The following CACNA1C variants were observed in gnomAD, a reference collection of about 807,000 sequenced individuals.
The protein encoded by CACNA1C is calcium voltage-gated channel subunit alpha1 C.
CACNA1C carries 30 observed loss-of-function variants against 229.0 expected under a neutral mutation model. That is an observed-to-expected ratio of 0.13 (90% CI 0.10 to 0.18). The LOEUF (loss-of-function observed/expected upper bound fraction) is 0.18, where lower values mean the gene tolerates loss of function less well. Ranked by LOEUF, CACNA1C falls within the 10% of genes least tolerant of loss-of-function variation. The pLI is 1.00. For synonymous variants in CACNA1C, 1,114 were observed against 1,132.5 expected (o/e 0.98, Z 0.33); for missense variants, 1,658 against 2,845.0 (o/e 0.58, Z 9.49).
At chr12:2,624,235 C>G (rs1046568450) in intron 29 of CACNA1C, among the ~76,000 whole-genome samples, 3 of 152,150 alleles carry the variant, frequency 2.0e-5, no homozygotes, top group African/African-American at 7.2e-5. Flanking sequence ...CACCATGATT[C>G]GGGGAGGTAA....
intron 3 of CACNA1C, among the ~76,000 whole-genome samples, chr12:2,296,841 C>T (rs964881061): frequency 6.6e-6 from 1 of 152,242 alleles, no homozygotes; most frequent in Non-Finnish European, 1.5e-5. Context: ...TTTCACCATT[C>T]TAGCTTTACT....
chr12:2,119,749 C>CCGTA (rs2085667768), intron 2 of CACNA1C, among the ~76,000 whole-genome samples: 1 of 152,224 alleles, frequency 6.6e-6, no homozygotes, highest in African/African-American at 2.4e-5. Context: ...GGACCCCCTG[C>CCGTA]CGTACTCTTG....
chr12:2,344,982 C>T (rs1424430688), intron 3 of CACNA1C, among the ~76,000 whole-genome samples: 1 of 150,528 alleles, frequency 6.6e-6, no homozygotes, highest in African/African-American at 2.5e-5. Context: ...GAAGTGTGGA[C>T]GTTGATTCCA....
chr12:2,530,386 G>T (rs1243732740), intron 9 of CACNA1C, among the ~76,000 whole-genome samples: 1 of 152,214 alleles, frequency 6.6e-6, no homozygotes, highest in African/African-American at 2.4e-5. Context: ...CCCAATAGAA[G>T]CTGAGGCCCC....
At chr12:2,468,298 C>T (rs868500284) in intron 5 of CACNA1C, among the ~76,000 whole-genome samples, 13 of 152,204 alleles carry the variant, frequency 8.5e-5, no homozygotes, top group Non-Finnish European at 1.5e-4. Flanking sequence ...CCTCCAGTCA[C>T]GAACTGGTCT....
At chr12:2,447,561 T>TC (rs1216308661) in intron 3 of CACNA1C, among the ~76,000 whole-genome samples, 2 of 142,220 alleles carry the variant, frequency 1.4e-5, no homozygotes, top group East Asian at 4.0e-4. Context: ...TAATTTTGCA[T>TC]CCTCAAACTG....
chr12:2,496,163 C>T (rs916630581), intron 7 of CACNA1C, among the ~76,000 whole-genome samples: 3 of 152,218 alleles, frequency 2.0e-5, no homozygotes, highest in African/African-American at 7.2e-5. Context: ...TTTGAAAAAG[C>T]TCTCCAGGTG....
At position 2,164,551 on chromosome 12, in the gene CACNA1C, A is replaced by G. The variant is rs1338583681; in HGVS notation, c.477+44121A>G. The stretch of plus-strand genomic sequence containing the variant: ...TGTCTCTCTCTGCTCCCCATATTGC[A>G]GCCTGGTAAGCTGTTGTGGCTTATC... On this transcript the variant is annotated intron_variant, in intron 3 of 46. Transcript: ENST00000399655. Among the ~76,000 whole-genome samples the G allele has an allele frequency of 3.9e-5, 6 of 152,348 alleles. No homozygotes were observed. The East Asian group carries it at 9.6e-4, about 24-fold the overall frequency.
chr12:2,425,884 A>C (rs942746113), intron 3 of CACNA1C, among the ~76,000 whole-genome samples: 5 of 152,376 alleles, frequency 3.3e-5, no homozygotes, highest in Non-Finnish European at 4.4e-5. Context: ...GAAAGCCCCA[A>C]GAGACTTGGG....
intron 3 of CACNA1C, among the ~76,000 whole-genome samples, chr12:2,249,592 C>A (rs147312566): frequency 6.6e-6 from 1 of 152,266 alleles, no homozygotes; most frequent in Non-Finnish European, 1.5e-5. Context: ...GTTCGTCACC[C>A]CCAACCCTCA....
chr12:2,247,325 G>A (rs968687057), intron 3 of CACNA1C, among the ~76,000 whole-genome samples: 6 of 152,186 alleles, frequency 3.9e-5, no homozygotes, highest in Non-Finnish European at 5.9e-5. Context: ...TGTCAATGCC[G>A]CAGGGTCTGT....
chr12:2,259,241 C>T (rs1178188579), intron 3 of CACNA1C, among the ~76,000 whole-genome samples: 2 of 152,194 alleles, frequency 1.3e-5, no homozygotes, highest in Non-Finnish European at 2.9e-5. Flanking sequence ...CCCCGCCCTG[C>T]CCCACACGGG....
At chr12:2,560,467 G>A (rs1283643584) in intron 11 of CACNA1C, among the ~76,000 whole-genome samples, 5 of 152,156 alleles carry the variant, frequency 3.3e-5, no homozygotes, top group African/African-American at 9.7e-5. Flanking sequence ...GGTAATCCAG[G>A]TTTTCACTTA....
chr12:2,551,034 T>C, intron 10 of CACNA1C, among the ~76,000 whole-genome samples: 1 of 152,220 alleles, frequency 6.6e-6, no homozygotes, highest in East Asian at 1.9e-4. Flanking sequence ...TAAGCAGCAG[T>C]GCAAACCTCT....
In CACNA1C at chr12:2,512,170, G is replaced by C. The variant is rs1253452210; in HGVS notation, c.1218-642G>C. On this transcript the variant is annotated intron_variant, in intron 8 of 46. Transcript: ENST00000399655. The surrounding 1 kb of genome is among the most constrained non-coding windows in gnomAD (Gnocchi z 4.3). Reference sequence around the variant, plus strand: ...GTATACTGGTAAATATTTAACAATTGGCTCTCTATGGGGAAAGCCCTGGTT... The same window carrying C: ...GTATACTGGTAAATATTTAACAATTCGCTCTCTATGGGGAAAGCCCTGGTT... Among the ~76,000 whole-genome samples the C allele has an allele frequency of 1.3e-5, 2 of 152,134 alleles. No individual in the cohort carries two copies. The highest frequency in any genetic ancestry group is 2.9e-5 in the Non-Finnish European group (2 of 68,046).
chr12:2,065,139 T>C (rs2058868548), intron 1 of CACNA1C, among the ~76,000 whole-genome samples: 1 of 152,208 alleles, frequency 6.6e-6, no homozygotes. Flanking sequence ...GGTGGAAGCT[T>C]CTGTTGCCAT....
At chr12:2,671,305 G>A (rs944516288) in intron 38 of CACNA1C, among the ~76,000 whole-genome samples, 8 of 152,148 alleles carry the variant, frequency 5.3e-5, no homozygotes, top group African/African-American at 1.2e-4. Flanking sequence ...GAGCCACCGC[G>A]CCCGGCCAAA....
rs148484927 is a variant in CACNA1C at position 2,620,133 on chromosome 12, G to A, written c.3828+8120G>A. Among the ~76,000 whole-genome samples the A allele has an allele frequency of 7.0e-4, 106 of 152,250 alleles. 1 individual carries two copies. The highest frequency in any genetic ancestry group is 2.5e-3 in the African/African-American group (103 of 41,560). ...CCTTATCTCATTCAATCCATAAGAC[G>A]AATATTATGGCCTCCCATTTTACAT... is the stretch of plus-strand genomic sequence containing the variant. On this transcript the variant is annotated intron_variant, in intron 29 of 46. Transcript: ENST00000399655.
At chr12:2,391,962 C>T (rs1252476235) in intron 3 of CACNA1C, among the ~76,000 whole-genome samples, 2 of 152,244 alleles carry the variant, frequency 1.3e-5, no homozygotes, top group Admixed American at 6.5e-5. Flanking sequence ...AGAGCGTTCC[C>T]GTGTTTGCCA....
Sources: gnomAD v4.1 joint callset for allele counts (sites outside exome capture counted in the v4.1 genomes callset) on GRCh38, gnomAD v4.1.1 for gene constraint, Gnocchi (gnomAD v3.1) non-coding constraint, MANE v1.5 for transcripts, NCBI Gene and HGNC (gene_info 2026-07-23, HGNC 2026-07-21) for gene names.